Variants in CTPS1 observed in about 807,000 individuals in gnomAD.
CTPS1 encodes CTP synthetase 1.
CTPS1 carries 25 observed loss-of-function variants against 80.5 expected under a neutral mutation model. The ratio of observed to expected loss-of-function variants is 0.31; its 90% CI spans 0.23 to 0.43. The LOEUF (loss-of-function observed/expected upper bound fraction) is 0.43, where lower values mean the gene tolerates loss of function less well. Ranked by LOEUF, CTPS1 falls within the 20% of genes least tolerant of loss-of-function variation. The probability of loss-of-function intolerance (pLI) is 1.00; values close to 1 mark genes in which losing one functional copy is unlikely to be tolerated. For missense variants in CTPS1, 442 were observed against 725.7 expected (o/e 0.61, Z 4.49); for synonymous variants, 267 against 252.5 (o/e 1.06, Z -0.54).
rs551722654 is a variant in CTPS1, at chr1:40,997,645, C to T, written c.1005+119C>T. On this transcript the variant is annotated intron_variant, in intron 9 of 18. Coordinates refer to ENST00000650070, the MANE Select transcript of CTPS1 (RefSeq NM_001905.4). ...CTCAGAATTACTTTTTAAGGAATTA[C>T]TTTTTAAGGATTAAAAAGATTTGTG... 2.2e-5 allele frequency: 28 copies of T among 1,245,020 alleles called. No individual in the cohort carries two copies. The East Asian group carries it at 6.5e-4, about 29-fold the overall frequency. 77.1% of individuals were successfully genotyped at this position (1,245,020 alleles called of 1,614,324 possible).
At chr1:40,983,181 G>T in intron 1 of CTPS1, 97 bp from the exon 2 acceptor site, 1 of 1,019,086 alleles carries the variant, frequency 9.8e-7, no homozygotes, top group Non-Finnish European at 1.4e-6. Context: ...CTTCAAGAGG[G>T]TTCATAGCTA....
At position 41,012,533 on chromosome 1, in the gene CTPS1, T is replaced by G. The variant is rs1643200078; in HGVS notation, c.*885T>G. 1 of 152,182 alleles carries G rather than the reference T, an allele frequency of 6.6e-6. No homozygotes were observed. 9.4% of individuals were successfully genotyped at this position (152,182 alleles called of 1,614,324 possible). The stretch of plus-strand genomic sequence containing the variant: ...GGCCAGACTCGATGTGTACTCTAAC[T>G]TAAGAAATAAATCAGTAAGGCAGAA... On this transcript the variant is annotated 3_prime_UTR_variant, in exon 19 of 19. Coordinates refer to ENST00000650070, the MANE Select transcript of CTPS1 (RefSeq NM_001905.4).
chr1:41,002,130 A>G, intron 10 of CTPS1, 30 bp from the exon 11 acceptor site: 1 of 1,603,812 alleles, frequency 6.2e-7, no homozygotes, highest in Non-Finnish European at 8.5e-7. Flanking sequence ...GAAAAGGGGA[A>G]TTGCCTTTGT....
chr1:40,984,763 T>C, intron 2 of CTPS1, 58 bp from the exon 3 acceptor site: 1 of 1,291,902 alleles, frequency 7.7e-7, no homozygotes, highest in Non-Finnish European at 1.0e-6. Context: ...AGGATTGCAG[T>C]TGTGCCATGG....
rs191852761 is a variant in CTPS1 at position 40,988,472 on chromosome 1, G to C, written c.439-122G>C. 1.7e-4 allele frequency: 117 copies of C among 702,348 alleles called. No individual in the cohort carries two copies. In the African/African-American group the frequency reaches 1.8e-3, roughly 11 times the overall value. The allele number at this position is 702,348 out of a possible 1,614,324, so 43.5% of individuals were successfully genotyped here. A position where few individuals can be genotyped will look rare whatever the true frequency, so the allele number is the denominator to read the frequency against. ...TAACTGTTAACTAACATTATACAGG[G>C]TTAGAGAGTCCGTGTTACATAATTA... On this transcript the variant is annotated intron_variant, in intron 4 of 18. Coordinates refer to ENST00000650070, the MANE Select transcript of CTPS1 (RefSeq NM_001905.4).
intron 8 of CTPS1, 133 bp downstream of exon 8, chr1:40,996,201 T>C: frequency 1.1e-6 from 1 of 945,404 alleles, no homozygotes. Context: ...GCCTTTGTAG[T>C]AAGAGATGTT....
At chr1:40,982,108 C>T in intron 1 of CTPS1, 1 of 724,890 alleles carries the variant, frequency 1.4e-6, no homozygotes, top group Admixed American at 2.8e-5. Context: ...ATAAATCCTC[C>T]GTGGTGAGCC....
In CTPS1 at chr1:41,003,194, C is replaced by T. The variant is rs778906098; in HGVS notation, c.1252+18C>T. On this transcript the variant is annotated intron_variant, in intron 12 of 18. Transcript: ENST00000650070. ...ATGGCAAGGTAAGCGTGCATTAAGA[C>T]ACTCATTCAATTCCCGCTTGTGTAT... is the stretch of plus-strand genomic sequence containing the variant. 6.2e-7 allele frequency: 1 copy of T among 1,613,618 alleles called. No individual in the cohort carries two copies. The highest frequency in any genetic ancestry group is 8.5e-7 in the Non-Finnish European group (1 of 1,179,532).
At chr1:40,997,257 G>A in intron 8 of CTPS1, 137 bp from the exon 9 acceptor site, 9 of 1,059,610 alleles carry the variant, frequency 8.5e-6, no homozygotes, top group Non-Finnish European at 1.2e-5. Flanking sequence ...GCCTTTCAAA[G>A]TGCTGGGATT....
intron 5 of CTPS1, 37 bp downstream of exon 5, chr1:40,988,747 T>G (rs779372577): frequency 6.5e-6 from 9 of 1,381,780 alleles, no homozygotes; most frequent in African/African-American, 4.3e-5. Context: ...TTGGGGGAGA[T>G]GGAGAGGAGG....
intron 3 of CTPS1, 94 bp downstream of exon 3, chr1:40,985,085 G>A (rs1642419491): frequency 1.2e-6 from 1 of 842,328 alleles, no homozygotes; most frequent in Admixed American, 4.0e-5. Context: ...TCCCTTTTGA[G>A]TACAGAAGTT....
chr1:41,002,285 A>G lies in CTPS1; in HGVS notation c.1189+31A>G, dbSNP rs1317455382. 4 of 1,559,986 alleles carry G rather than the reference A, an allele frequency of 2.6e-6. No homozygotes were observed. The African/African-American group carries it at 4.1e-5, about 16-fold the overall frequency. On this transcript the variant is annotated intron_variant, in intron 11 of 18. Coordinates refer to ENST00000650070, the MANE Select transcript of CTPS1 (RefSeq NM_001905.4). ...GAGCTCTGCAGTGCAGTCTTCACTTAAGAGTAGGAAAGAGTGGGGAACGGT... is the reference window on the plus strand; with the variant it reads ...GAGCTCTGCAGTGCAGTCTTCACTTGAGAGTAGGAAAGAGTGGGGAACGGT...
chr1:41,008,063 GTGTC>G (rs751389811), intron 14 of CTPS1, among the ~76,000 whole-genome samples: 1 of 152,212 alleles, frequency 6.6e-6, no homozygotes, highest in Non-Finnish European at 1.5e-5. Context: ...AGGCACCCTT[GTGTC>G]TGTCTGGGCG....
chr1:40,997,623 AGAATTACTTTTTAAG>A (rs1189006118), intron 9 of CTPS1, 97 bp downstream of exon 9: 41 of 1,402,598 alleles, frequency 2.9e-5, no homozygotes, highest in African/African-American at 1.0e-4. Context: ...TTTGGAGCTC[AGAATTACTTTTTAAG>A]GAATTACTTT....
Position 40,998,180 on chromosome 1 carries a change from C to T in CTPS1, c.1005+654C>T, listed in dbSNP as rs1018522915. On this transcript the variant is annotated intron_variant, in intron 9 of 18. Coordinates refer to ENST00000650070, the MANE Select transcript of CTPS1 (RefSeq NM_001905.4). ...TTGGGAGGCCGAGGTGGGCAGATCA[C>T]GAGGTCAGGAGATTGAGACCGTTCT... Among the ~76,000 whole-genome samples the T allele has an allele frequency of 3.9e-5, 6 of 152,030 alleles. No homozygotes were observed. In the East Asian group the frequency reaches 1.2e-3, roughly 29 times the overall value.
chr1:40,982,528 T>C (rs996965356), intron 1 of CTPS1, among the ~76,000 whole-genome samples: 4 of 152,198 alleles, frequency 2.6e-5, no homozygotes, highest in African/African-American at 9.6e-5. Context: ...TAACTGGGAC[T>C]ACAGGCGTGC....
At chr1:41,008,059 C>T (rs1643078689) in intron 14 of CTPS1, among the ~76,000 whole-genome samples, 1 of 152,166 alleles carries the variant, frequency 6.6e-6, no homozygotes, top group South Asian at 2.1e-4. Context: ...GCAGAGGCAC[C>T]CTTGTGTCTG....
chr1:41,010,745 TG>T (rs1198358721), intron 18 of CTPS1, among the ~76,000 whole-genome samples: 2 of 152,242 alleles, frequency 1.3e-5, no homozygotes, highest in Non-Finnish European at 2.9e-5. Context: ...AACTTTTTTT[TG>T]TTGATTGCTG....
At chr1:40,980,245 C>G (rs1651811608) in intron 1 of CTPS1, 1 of 151,974 alleles carries the variant, frequency 6.6e-6, no homozygotes, top group Admixed American at 6.6e-5. Context: ...CGAGGAAGCC[C>G]GGCAGTCGCC....
Sources: gnomAD v4.1 joint callset for allele counts (sites outside exome capture counted in the v4.1 genomes callset) on GRCh38, gnomAD v4.1.1 for gene constraint, MANE v1.5 for transcripts, NCBI Gene and HGNC (gene_info 2026-07-23, HGNC 2026-07-21) for gene names.